JARID2: variants seen among roughly 807,000 people sequenced by gnomAD.
JARID2 encodes the protein protein Jumonji.
Under a neutral mutation model 125.6 loss-of-function variants are expected in JARID2, and 21 were observed. That is an observed-to-expected ratio of 0.17 (90% confidence interval 0.12 to 0.24). The LOEUF is 0.24. JARID2 is among the 10% of genes least tolerant of loss of function. The pLI is 1.00. For missense variants in JARID2, 1,303 were observed against 1,639.6 expected (o/e 0.79, Z 3.55); for synonymous variants, 736 against 661.6 (o/e 1.11, Z -1.73).
intron 3 of JARID2, among the ~76,000 whole-genome samples, chr6:15,427,602 C>T: frequency 6.6e-6 from 1 of 152,036 alleles, no homozygotes; most frequent in Non-Finnish European, 1.5e-5. Context: ...ACATTTTTGT[C>T]TCATCCCTTT....
At chr6:15,277,755 T>A (rs1760586230) in intron 1 of JARID2, among the ~76,000 whole-genome samples, 1 of 148,350 alleles carries the variant, frequency 6.7e-6, no homozygotes. Context: ...TTGTCGTAAC[T>A]TACTAATAGA....
chr6:15,520,785 C>T lies in JARID2; in HGVS notation c.*534C>T, dbSNP rs1160442889. The T allele has an allele frequency of 2.2e-6, 1 of 455,810 alleles. No individual in the cohort carries two copies. Among genetic ancestry groups the T allele is most frequent in the Non-Finnish European group, 4.4e-6 (1 of 226,768 alleles). The allele number at this position is 455,810 out of a possible 1,614,324, so 28.2% of individuals were successfully genotyped here. On this transcript the variant is annotated 3_prime_UTR_variant, in exon 18 of 18. Transcript: ENST00000341776. ...GCTTGTGATCTGGGAAGCCGGGGCA[C>T]CCCCGTTTTGTTTCTCTGGGCGGTT...
At chr6:15,301,101 A>G (rs919524322) in intron 1 of JARID2, among the ~76,000 whole-genome samples, 2 of 152,226 alleles carry the variant, frequency 1.3e-5, no homozygotes, top group African/African-American at 2.4e-5. Flanking sequence ...TGGGTTGTCC[A>G]TAACTATTTC....
intron 5 of JARID2, among the ~76,000 whole-genome samples, chr6:15,481,541 C>CTG (rs2127706265): frequency 6.6e-6 from 1 of 152,244 alleles, no homozygotes; most frequent in African/African-American, 2.4e-5. Flanking sequence ...AGGAGTAAAA[C>CTG]TGGCAGGTTC....
At chr6:15,439,267 A>T (rs997291259) in intron 3 of JARID2, among the ~76,000 whole-genome samples, 3 of 152,110 alleles carry the variant, frequency 2.0e-5, no homozygotes, top group Non-Finnish European at 4.4e-5. Flanking sequence ...GGCTGCTTTC[A>T]TTGTTGGAGG....
chr6:15,463,660 G>A (rs1367161960), intron 4 of JARID2, among the ~76,000 whole-genome samples: 1 of 152,118 alleles, frequency 6.6e-6, no homozygotes, highest in Non-Finnish European at 1.5e-5. Context: ...TCGAACTCCT[G>A]ACCTCAGGTG....
intron 1 of JARID2, among the ~76,000 whole-genome samples, chr6:15,321,843 A>G (rs150518964): frequency 2.6e-3 from 295 of 112,572 alleles, no homozygotes; most frequent in Non-Finnish European, 3.6e-3. Context: ...CCCAGGTTGG[A>G]GTGCAGCGGT....
intron 1 of JARID2, among the ~76,000 whole-genome samples, chr6:15,347,800 C>T (rs1231285075): frequency 1.3e-5 from 2 of 152,014 alleles, no homozygotes; most frequent in Non-Finnish European, 2.9e-5. Context: ...TCACAATAGC[C>T]TCTTCCTCCA....
chr6:15,252,641 T>C (rs1759499669), intron 1 of JARID2, among the ~76,000 whole-genome samples: 1 of 152,272 alleles, frequency 6.6e-6, no homozygotes, highest in Non-Finnish European at 1.5e-5. Flanking sequence ...AATTATATAT[T>C]GTTTTACTTA....
intron 1 of JARID2, among the ~76,000 whole-genome samples, chr6:15,343,015 A>T (rs910358661): frequency 6.6e-6 from 1 of 152,108 alleles, no homozygotes; most frequent in Admixed American, 6.6e-5. Flanking sequence ...GGGTTACCTG[A>T]GGTCAGGAGT....
chr6:15,320,536 A>G (rs751791549), intron 1 of JARID2, among the ~76,000 whole-genome samples: 37 of 152,146 alleles, frequency 2.4e-4, no homozygotes, highest in Non-Finnish European at 4.6e-4. Context: ...CATAAATGTG[A>G]TTTGTAGTTT....
chr6:15,433,882 T>C (rs904984059), intron 3 of JARID2, among the ~76,000 whole-genome samples: 4 of 151,542 alleles, frequency 2.6e-5, no homozygotes, highest in African/African-American at 9.7e-5. Flanking sequence ...TAAATTCTTT[T>C]AGGCCCTAAG....
intron 1 of JARID2, among the ~76,000 whole-genome samples, chr6:15,361,802 T>A (rs142395911): frequency 1.5e-3 from 230 of 152,196 alleles, no homozygotes; most frequent in Non-Finnish European, 2.8e-3. Flanking sequence ...AAGAAGAGGT[T>A]CAGTTTTGTT....
intron 1 of JARID2, among the ~76,000 whole-genome samples, chr6:15,254,203 T>G (rs1333894464): frequency 1.3e-5 from 2 of 152,244 alleles, no homozygotes; most frequent in Non-Finnish European, 2.9e-5. Flanking sequence ...TGACATCCCG[T>G]GTCCCTTGGG....
chr6:15,377,847 C>T (rs1349854687), intron 2 of JARID2, among the ~76,000 whole-genome samples: 2 of 143,990 alleles, frequency 1.4e-5, no homozygotes, highest in Non-Finnish European at 3.0e-5. Flanking sequence ...TGGATAAGTC[C>T]ATGCAAGATG....
At chr6:15,289,459 C>G (rs1055024532) in intron 1 of JARID2, among the ~76,000 whole-genome samples, 1 of 152,092 alleles carries the variant, frequency 6.6e-6, no homozygotes, top group Non-Finnish European at 1.5e-5. Context: ...TCTCAAACTC[C>G]TGGGCTCAAG....
Position 15,500,884 on chromosome 6 carries a change from T to G in JARID2, c.1946-23T>G, listed in dbSNP as rs753987689. Reference sequence around the variant, plus strand: ...GTGTCTCTTTCACTAACTGTCCCGTTTTTTTCCCCTTCGCTGTCCCAGGGG... The same window carrying G: ...GTGTCTCTTTCACTAACTGTCCCGTGTTTTTCCCCTTCGCTGTCCCAGGGG... On this transcript the variant is annotated intron_variant, in intron 7 of 17. Transcript: ENST00000341776. The G allele has an allele frequency of 1.2e-5, 19 of 1,568,024 alleles. No homozygotes were observed. In the South Asian group the frequency reaches 2.3e-4, roughly 19 times the overall value.
chr6:15,364,628 G>C (rs1763911905), intron 1 of JARID2, among the ~76,000 whole-genome samples: 1 of 152,180 alleles, frequency 6.6e-6, no homozygotes, highest in Non-Finnish European at 1.5e-5. Context: ...TAATTTTCTT[G>C]TAAAAGATTT....
At chr6:15,447,625 A>G (rs1208556743) in intron 3 of JARID2, among the ~76,000 whole-genome samples, 1 of 152,158 alleles carries the variant, frequency 6.6e-6, no homozygotes, top group East Asian at 1.9e-4. Flanking sequence ...AACCTCTTTT[A>G]TCCCAGTTCT....
Sources: allele counts gnomAD v4.1 joint callset (sites outside exome capture counted in the v4.1 genomes callset), GRCh38; gene constraint gnomAD v4.1.1; transcripts MANE v1.5; gene names NCBI Gene and HGNC (gene_info 2026-07-23, HGNC 2026-07-21).